Variants in NEK1 observed in about 807,000 individuals in gnomAD.
NEK1 encodes the protein serine/threonine-protein kinase Nek1.
Under a neutral mutation model 182.1 loss-of-function variants are expected in NEK1, and 137 were observed. The ratio of observed to expected loss-of-function variants is 0.75; its 90% CI spans 0.65 to 0.87. NEK1 has a LOEUF of 0.87. Among genes scored for constraint, NEK1 ranks in the 40% least tolerant of loss-of-function variants. The probability of loss-of-function intolerance (pLI) is 0.00; values close to 1 mark genes in which losing one functional copy is unlikely to be tolerated. For synonymous variants in NEK1, 513 were observed against 492.2 expected, an observed-to-expected ratio of 1.04 and a Z score of -0.56; for missense variants, 1,391 against 1,494.4, an observed-to-expected ratio of 0.93 and a Z score of 1.14.
intron 23 of NEK1, among the ~76,000 whole-genome samples, chr4:169,497,946 T>G (rs1192315513): frequency 1.3e-5 from 2 of 152,168 alleles, no homozygotes; most frequent in African/African-American, 4.8e-5. Context: ...CTGAGTTCAA[T>G]TCCTGGATAT....
chr4:169,466,815 C>A (rs1027370275), intron 26 of NEK1, among the ~76,000 whole-genome samples: 23 of 151,734 alleles, frequency 1.5e-4, no homozygotes, highest in Non-Finnish European at 2.8e-4. Context: ...TTATTTAAAT[C>A]TTTTTAAAGA....
At position 169,463,308 on chromosome 4, in the gene NEK1, T is replaced by C; in HGVS notation, c.2522A>G (p.Lys841Arg). 6.2e-7 allele frequency: 1 copy of C among 1,609,136 alleles called. No individual in the cohort carries two copies. Among genetic ancestry groups the C allele is most frequent in the Non-Finnish European group, 8.5e-7 (1 of 1,177,126 alleles). ...WGKSPTDSVL[K>R]ILGEAELQLQ... ...TTGTAGTTCAGCTTCTCCAAGTATC[T>C]TTAGAACAGAATCTGTCGGACTTTT... is the stretch of plus-strand genomic sequence containing the variant. The change falls in exon 27 of 36, where the codon AAG becomes AGG. Residue 841 changes from lysine to arginine, a missense_variant. Physicochemically the swap from Lys to Arg is conservative, Grantham distance 26 (BLOSUM62 2). Around this residue, in one of 5 missense-constraint regions of NEK1, gnomAD observed 1,216 missense variants for 1,277.6 expected, o/e 0.95. Transcript: ENST00000507142.
At chr4:169,582,717 C>T (rs1224547673) in intron 10 of NEK1, among the ~76,000 whole-genome samples, 4 of 152,040 alleles carry the variant, frequency 2.6e-5, no homozygotes, top group African/African-American at 7.2e-5. Context: ...GAAAACCCTA[C>T]GTTATGTTTT....
chr4:169,551,930 T>C (rs1038421569), intron 18 of NEK1, among the ~76,000 whole-genome samples: 6 of 152,140 alleles, frequency 3.9e-5, no homozygotes, highest in Admixed American at 6.5e-5. Context: ...TAGCTGTTGG[T>C]ATTTTTAAAA....
Position 169,607,629 on chromosome 4 carries a change from A to AT in NEK1, c.-49+4390dup, listed in dbSNP as rs1165136334. Among the ~76,000 whole-genome samples, 9 of 151,632 alleles carry AT rather than the reference A, an allele frequency of 5.9e-5. No homozygotes were observed. The East Asian group carries it at 1.7e-3, about 29-fold the overall frequency. On this transcript the variant is annotated intron_variant, in intron 2 of 35. Coordinates refer to ENST00000507142, the MANE Select transcript of NEK1 (RefSeq NM_001199397.3). The stretch of plus-strand genomic sequence containing the variant: ...AGGCGCCTGCCACCACGCCCGGCTA[A>AT]TTTTTTTGTATATTTAGTAGAGATG...
At chr4:169,510,384 G>C (rs143829894) in intron 19 of NEK1, among the ~76,000 whole-genome samples, 1 of 152,056 alleles carries the variant, frequency 6.6e-6, no homozygotes, top group African/African-American at 2.4e-5. Flanking sequence ...TATTGAACAT[G>C]ATCAGCCACT....
intron 16 of NEK1, among the ~76,000 whole-genome samples, chr4:169,557,064 C>T (rs954394610): frequency 9.2e-5 from 14 of 151,980 alleles, no homozygotes; most frequent in African/African-American, 3.4e-4. Context: ...AAGTTTCTAG[C>T]AGCAGTAGTA....
At chr4:169,497,447 C>T (rs1210005355) in intron 23 of NEK1, among the ~76,000 whole-genome samples, 2 of 152,136 alleles carry the variant, frequency 1.3e-5, no homozygotes, top group Non-Finnish European at 2.9e-5. Flanking sequence ...CTTCTGCTAG[C>T]TTTTGAATGT....
rs141837611 is a variant in NEK1, at chr4:169,609,312, G to C, written c.-49+2708C>G. Among the ~76,000 whole-genome samples, 1,216 of 152,110 alleles carry C rather than the reference G, an allele frequency of 8.0e-3. 20 individuals carry two copies. Among genetic ancestry groups the C allele is most frequent in the African/African-American group, 0.028 (1,165 of 41,494 alleles). ...TGGCAACATCTACCAAAATTATAAG[G>C]GGACAGAAACTTTGATGTAGTGATT... On this transcript the variant is annotated intron_variant, in intron 2 of 35. Transcript: ENST00000507142.
At chr4:169,607,608 G>C (rs1291574697) in intron 2 of NEK1, among the ~76,000 whole-genome samples, 1 of 151,940 alleles carries the variant, frequency 6.6e-6, no homozygotes, top group Non-Finnish European at 1.5e-5. Context: ...GACTACAGGC[G>C]CCTGCCACCA....
intron 23 of NEK1, among the ~76,000 whole-genome samples, chr4:169,497,004 G>A (rs1475364586): frequency 6.6e-6 from 1 of 152,132 alleles, no homozygotes; most frequent in African/African-American, 2.4e-5. Flanking sequence ...TGTACCTCTG[G>A]TAGAATTCGG....
intron 32 of NEK1, among the ~76,000 whole-genome samples, chr4:169,403,430 C>T (rs893110414): frequency 1.3e-5 from 2 of 151,902 alleles, no homozygotes; most frequent in African/African-American, 4.8e-5. Flanking sequence ...CTTAGCTAGG[C>T]GTGGTGGCAC....
intron 19 of NEK1, among the ~76,000 whole-genome samples, chr4:169,524,235 A>C (rs1284512028): frequency 6.6e-6 from 1 of 152,092 alleles, no homozygotes; most frequent in African/African-American, 2.4e-5. Context: ...TGGGCCGGGC[A>C]CAGTGGCTCA....
At chr4:169,574,625 A>G (rs1309849177) in intron 12 of NEK1, among the ~76,000 whole-genome samples, 4 of 151,920 alleles carry the variant, frequency 2.6e-5, no homozygotes, top group Non-Finnish European at 5.9e-5. Flanking sequence ...AAAAAAAAAA[A>G]AAAAGACAAG....
chr4:169,493,615 A>G (rs1005630772), intron 23 of NEK1, among the ~76,000 whole-genome samples: 3 of 152,224 alleles, frequency 2.0e-5, no homozygotes, highest in Non-Finnish European at 2.9e-5. Context: ...TTTTGGAATT[A>G]AAAAACTCAC....
chr4:169,512,479 T>C (rs1038750098), intron 19 of NEK1, among the ~76,000 whole-genome samples: 2 of 152,258 alleles, frequency 1.3e-5, no homozygotes, highest in African/African-American at 2.4e-5. Context: ...ATGTTGAATT[T>C]TGATACTTCT....
intron 19 of NEK1, among the ~76,000 whole-genome samples, chr4:169,515,649 C>G (rs1580391808): frequency 9.4e-6 from 1 of 106,592 alleles, no homozygotes; most frequent in East Asian, 2.8e-4. Context: ...CTATCCCTCC[C>G]CCCTCCCCCG....
At chr4:169,507,564 A>G (rs1753512937) in intron 22 of NEK1, 151 bp downstream of exon 22, 1 of 487,350 alleles carries the variant, frequency 2.1e-6, no homozygotes, top group South Asian at 4.8e-5. Flanking sequence ...GAAAAATACT[A>G]TTTTTAGAAA....
chr4:169,573,887 G>A (rs1445719900), intron 12 of NEK1, among the ~76,000 whole-genome samples: 1 of 152,206 alleles, frequency 6.6e-6, no homozygotes, highest in East Asian at 1.9e-4. Context: ...AGCCAGGCAC[G>A]GTGGCTCATG....
Sources: allele counts gnomAD v4.1 joint callset (sites outside exome capture counted in the v4.1 genomes callset), GRCh38; gene constraint gnomAD v4.1.1; regional missense constraint gnomAD v4.1.1; transcripts MANE v1.5; gene names NCBI Gene and HGNC (gene_info 2026-07-23, HGNC 2026-07-21).